The following IRAK3 variants were observed in gnomAD, a reference collection of about 807,000 sequenced individuals.
IRAK3 encodes the protein interleukin-1 receptor-associated kinase 3.
IRAK3 carries 57 observed loss-of-function variants against 56.6 expected under a neutral mutation model. The ratio of observed to expected loss-of-function variants is 1.01; its 90% CI spans 0.81 to 1.26. The LOEUF (loss-of-function observed/expected upper bound fraction) is 1.26. Among genes scored for constraint, IRAK3 ranks in the 50% most tolerant of loss-of-function variants. The pLI is 0.00. For missense variants in IRAK3, 703 were observed against 719.0 expected (o/e 0.98, Z 0.25); for synonymous variants, 258 against 255.7 (o/e 1.01, Z -0.09).
chr12:66,196,759 C>G (rs2052457135), intron 1 of IRAK3: 1 of 1,010,656 alleles, frequency 9.9e-7, no homozygotes, highest in Non-Finnish European at 1.4e-6. Flanking sequence ...ATAATTTTGA[C>G]TTTTGTTTTA....
At chr12:66,242,411 G>T (rs2052979445) in intron 8 of IRAK3, among the ~76,000 whole-genome samples, 1 of 152,216 alleles carries the variant, frequency 6.6e-6, no homozygotes, top group Admixed American at 6.5e-5. Flanking sequence ...TAGAGCTGGA[G>T]AGAAGTCGGA....
chr12:66,215,785 T>TGCAAGTGCACGTGCGCGCGCGCGCGC (rs1555203474), intron 5 of IRAK3, among the ~76,000 whole-genome samples: 13 of 31,176 alleles, frequency 4.2e-4, no homozygotes, highest in African/African-American at 1.8e-3. Context: ...TAACCCAACA[T>TGCAAGTGCACGTGCGCGCGCGCGCGC]GCACACACAC....
At chr12:66,206,242 C>G (rs1432280379) in intron 2 of IRAK3, among the ~76,000 whole-genome samples, 1 of 152,074 alleles carries the variant, frequency 6.6e-6, no homozygotes, top group Admixed American at 6.5e-5. Context: ...TTCTTCTTGC[C>G]TAGTTGCCCT....
intron 5 of IRAK3, among the ~76,000 whole-genome samples, chr12:66,212,110 C>A (rs78183067): frequency 2.6e-3 from 359 of 136,400 alleles, no homozygotes; most frequent in Admixed American, 2.9e-3. Context: ...GACACCACCT[C>A]AAAAAAAAAA....
In IRAK3 at chr12:66,249,470, T is replaced by C. The variant is rs1346648890; in HGVS notation, c.*1299T>C. ...TGAGCCACCGCGCCCAGCCTTCATCTCTTTTACTAGGTTGTAAACTCCCTA... is the reference window on the plus strand; with the variant it reads ...TGAGCCACCGCGCCCAGCCTTCATCCCTTTTACTAGGTTGTAAACTCCCTA... On this transcript the variant is annotated 3_prime_UTR_variant, in exon 12 of 12. Transcript: ENST00000261233. 1.3e-5 allele frequency: 2 copies of C among 152,222 alleles called. No individual in the cohort carries two copies. The highest frequency in any genetic ancestry group is 2.9e-5 in the Non-Finnish European group (2 of 68,034). 9.4% of individuals were successfully genotyped at this position (152,222 alleles called of 1,614,324 possible).
intron 6 of IRAK3, 79 bp downstream of exon 6, chr12:66,217,314 A>C (rs888188675): frequency 1.9e-6 from 2 of 1,046,456 alleles, no homozygotes; most frequent in Non-Finnish European, 3.0e-6. Flanking sequence ...TACAGCACAG[A>C]GCTTGGCGTG....
Position 66,248,246 on chromosome 12 carries a change from T to A in IRAK3, c.*75T>A, listed in dbSNP as rs1479102951. 9.7e-7 allele frequency: 1 copy of A among 1,034,116 alleles called. No homozygotes were observed. Among genetic ancestry groups the A allele is most frequent in the Non-Finnish European group, 1.5e-6 (1 of 665,764 alleles). The allele number at this position is 1,034,116 out of a possible 1,614,324, so 64.1% of individuals were successfully genotyped here. On this transcript the variant is annotated 3_prime_UTR_variant, in exon 12 of 12. Transcript: ENST00000261233. ...CATAGGTATGACCTTGGGAAGACAT[T>A]GGCTCCATAAGCAATGCCAAGAGAA...
chr12:66,209,768 A>G (rs569169813), intron 3 of IRAK3, among the ~76,000 whole-genome samples: 2 of 152,336 alleles, frequency 1.3e-5, no homozygotes, highest in South Asian at 4.1e-4. Context: ...AGAACTACTA[A>G]GGATGCTGTG....
rs1230554492 is a variant in IRAK3 at position 66,249,013 on chromosome 12, A to C, written c.*842A>C. On this transcript the variant is annotated 3_prime_UTR_variant, in exon 12 of 12. Coordinates refer to ENST00000261233, the MANE Select transcript of IRAK3 (RefSeq NM_007199.3). ...GATCTCCCTCTTTTGAAATCCTACCAATCATCAGAGCTCTACAAAACAGCC... is the reference window on the plus strand; with the variant it reads ...GATCTCCCTCTTTTGAAATCCTACCCATCATCAGAGCTCTACAAAACAGCC... 1.3e-5 allele frequency: 2 copies of C among 152,166 alleles called. No homozygotes were observed. The highest frequency in any genetic ancestry group is 4.8e-5 in the African/African-American group (2 of 41,428). 9.4% of individuals were successfully genotyped at this position (152,166 alleles called of 1,614,324 possible). A position where few individuals can be genotyped will look rare whatever the true frequency, so the allele number is the denominator to read the frequency against.
rs543950805 is a variant in IRAK3 at position 66,219,768 on chromosome 12, T to C, written c.653+2533T>C. 3.3e-5 allele frequency among the ~76,000 whole-genome samples: 5 copies of C among 152,348 alleles called. No homozygotes were observed. The East Asian group carries it at 9.6e-4, about 29-fold the overall frequency. On this transcript the variant is annotated intron_variant, in intron 6 of 11. Transcript: ENST00000261233. ...CTAATAAGTGTGAGGTGATATCTCA[T>C]TGTGGTTTTGATTTGCATTTTTCTG...
chr12:66,234,225 G>A, intron 8 of IRAK3: 2 of 1,613,912 alleles, frequency 1.2e-6, no homozygotes, highest in South Asian at 1.1e-5. Context: ...GACGTTGCAG[G>A]CATGTATGTT....
At position 66,248,269 on chromosome 12, in the gene IRAK3, G is replaced by C; in HGVS notation, c.*98G>C. 1.2e-6 allele frequency: 1 copy of C among 818,984 alleles called. No homozygotes were observed. The highest frequency in any genetic ancestry group is 2.1e-6 in the Non-Finnish European group (1 of 482,304). 50.7% of individuals were successfully genotyped at this position (818,984 alleles called of 1,614,324 possible). On this transcript the variant is annotated 3_prime_UTR_variant, in exon 12 of 12. Transcript: ENST00000261233. ...ATTGGCTCCATAAGCAATGCCAAGA[G>C]AATGATCAATAGTGAGTTTGGGTGA...
chr12:66,198,820 A>G (rs979398126), intron 1 of IRAK3, among the ~76,000 whole-genome samples: 3 of 150,486 alleles, frequency 2.0e-5, no homozygotes, highest in African/African-American at 7.4e-5. Flanking sequence ...CAGTGGTGCA[A>G]TCTTGGCTCA....
chr12:66,234,714 AT>A lies in IRAK3; in HGVS notation c.887+6349del, dbSNP rs1475479811. On this transcript the variant is annotated intron_variant, in intron 8 of 11. Coordinates refer to ENST00000261233, the MANE Select transcript of IRAK3 (RefSeq NM_007199.3). ...TTAAAATGACCAGTAACAGCTTCAC[AT>A]TTTTCTGTTGATTCCGTCCTAGCAA... The A allele has an allele frequency of 1.9e-6, 3 of 1,602,814 alleles. No individual in the cohort carries two copies. The East Asian group carries it at 6.7e-5, about 36-fold the overall frequency.
Position 66,192,097 on chromosome 12 carries a change from C to T in IRAK3, c.133+2665C>T, listed in dbSNP as rs568611940. ...GAAGTCTGGGTTGAGGGTCCAGCTT[C>T]TTTCATTTTTTGTCAAGCCCCAGGA... On this transcript the variant is annotated intron_variant, in intron 1 of 11. Coordinates refer to ENST00000261233, the MANE Select transcript of IRAK3 (RefSeq NM_007199.3). 3.8e-4 allele frequency among the ~76,000 whole-genome samples: 58 copies of T among 152,312 alleles called. 1 individual carries two copies. The highest frequency in any genetic ancestry group is 8.3e-4 in the South Asian group (4 of 4,828).
chr12:66,189,443 G>C lies in IRAK3; in HGVS notation c.133+11G>C, dbSNP rs1233307976. 15 of 1,236,058 alleles carry C rather than the reference G, an allele frequency of 1.2e-5. No individual in the cohort carries two copies. The South Asian group carries it at 3.9e-4, about 32-fold the overall frequency. The allele number at this position is 1,236,058 out of a possible 1,614,324, so 76.6% of individuals were successfully genotyped here. ...GCTGGCGCGGCCTGGGTGAGTCGGCGGGGACCGGCCGGGGGCGGCGGGGGA... is the reference window on the plus strand; with the variant it reads ...GCTGGCGCGGCCTGGGTGAGTCGGCCGGGACCGGCCGGGGGCGGCGGGGGA... On this transcript the variant is annotated intron_variant, in intron 1 of 11. Coordinates refer to ENST00000261233, the MANE Select transcript of IRAK3 (RefSeq NM_007199.3).
chr12:66,245,856 A>T (rs1472894549), intron 11 of IRAK3, among the ~76,000 whole-genome samples: 2 of 151,852 alleles, frequency 1.3e-5, no homozygotes, highest in Non-Finnish European at 2.9e-5. Context: ...TTCCTTATCC[A>T]TTTTTTTAAA....
intron 6 of IRAK3, among the ~76,000 whole-genome samples, chr12:66,219,367 A>AAGATC (rs77551326): frequency 0.22 from 32,841 of 151,942 alleles, 4,140 homozygotes; most frequent in Middle Eastern, 0.33. Context: ...TAAGTCTCAC[A>AAGATC]AGATCTGATG....
intron 6 of IRAK3, among the ~76,000 whole-genome samples, chr12:66,223,527 C>T (rs1025242470): frequency 5.3e-5 from 8 of 150,918 alleles, no homozygotes; most frequent in Non-Finnish European, 7.4e-5. Context: ...AGCATGGTGA[C>T]GGGCGCCTGT....
Sources: allele counts gnomAD v4.1 joint callset (sites outside exome capture counted in the v4.1 genomes callset), GRCh38; gene constraint gnomAD v4.1.1; transcripts MANE v1.5; gene names NCBI Gene and HGNC (gene_info 2026-07-23, HGNC 2026-07-21).